CACNA1E: variants seen among roughly 807,000 people sequenced by gnomAD.
The protein encoded by CACNA1E is voltage-dependent R-type calcium channel subunit alpha-1E.
In CACNA1E, 40 loss-of-function variants were observed where a neutral mutation model predicts 259.2. The ratio of observed to expected loss-of-function variants is 0.15; its 90% CI spans 0.12 to 0.20. CACNA1E has a LOEUF of 0.20. Among genes scored for constraint, CACNA1E ranks in the 10% least tolerant of loss-of-function variants. CACNA1E has a pLI of 1.00. For synonymous variants in CACNA1E, 1,104 were observed against 1,138.5 expected, an observed-to-expected ratio of 0.97 and a Z score of 0.61; for missense variants, 1,874 against 3,040.1, an observed-to-expected ratio of 0.62 and a Z score of 9.02.
Position 181,798,974 on chromosome 1 carries a change from G to A in CACNA1E, c.*140G>A, listed in dbSNP as rs1043441982. The A allele has an allele frequency of 7.4e-5, 55 of 747,308 alleles. No individual in the cohort carries two copies. The Middle Eastern group carries it at 3.5e-3, about 47-fold the overall frequency. 46.3% of individuals were successfully genotyped at this position (747,308 alleles called of 1,614,324 possible). A position where few individuals can be genotyped will look rare whatever the true frequency, so the allele number is the denominator to read the frequency against. On this transcript the variant is annotated 3_prime_UTR_variant, in exon 48 of 48. Transcript: ENST00000367573. The surrounding 1 kb of genome is among the most constrained non-coding windows in gnomAD (Gnocchi z 4.2). Reference sequence around the variant, plus strand: ...ACCATGCATTATCAGAGAAGAGGAAGTAAAGGACAATCAGAACACCAGTCA... The same window carrying A: ...ACCATGCATTATCAGAGAAGAGGAAATAAAGGACAATCAGAACACCAGTCA...
rs567293169 is a variant in CACNA1E at position 181,603,606 on chromosome 1, C to T, written c.951+22830C>T. Among the ~76,000 whole-genome samples the T allele has an allele frequency of 2.1e-3, 326 of 151,660 alleles. 1 individual carries two copies. Among genetic ancestry groups the T allele is most frequent in the Non-Finnish European group, 3.0e-3 (204 of 67,882 alleles). On this transcript the variant is annotated intron_variant, in intron 6 of 47. Transcript: ENST00000367573. ...ACTGCACCTACCCGGAGACTTTGCT[C>T]GTGACACATTTTTTTTTCCCCATAG...
chr1:181,561,550 G>C (rs1382205210), intron 3 of CACNA1E, among the ~76,000 whole-genome samples: 2 of 152,138 alleles, frequency 1.3e-5, no homozygotes, highest in Non-Finnish European at 2.9e-5. Flanking sequence ...GGAGTCTACA[G>C]CCTTTTTGGC....
chr1:181,375,386 T>C (rs1009157155), intron 1 of CACNA1E, among the ~76,000 whole-genome samples: 1 of 152,210 alleles, frequency 6.6e-6, no homozygotes, highest in Non-Finnish European at 1.5e-5. Context: ...CAGATTCATA[T>C]GTTGAAATCT....
chr1:181,776,042 T>C lies in CACNA1E; in HGVS notation c.5140-59T>C. The C allele has an allele frequency of 6.5e-7, 1 of 1,537,248 alleles. No individual in the cohort carries two copies. Among genetic ancestry groups the C allele is most frequent in the Non-Finnish European group, 8.9e-7 (1 of 1,129,026 alleles). On this transcript the variant is annotated intron_variant, in intron 37 of 47. Coordinates refer to ENST00000367573, the MANE Select transcript of CACNA1E (RefSeq NM_001205293.3). The surrounding 1 kb of genome is among the most constrained non-coding windows in gnomAD (Gnocchi z 4.4). ...CTCCATGCCCTGAAGCCTGTTCTTC[T>C]GCTTCCTGAGCTCTGCTTTAGGTTT...
intron 34 of CACNA1E, among the ~76,000 whole-genome samples, chr1:181,763,955 A>C (rs867254898): frequency 2.0e-5 from 3 of 152,196 alleles, no homozygotes; most frequent in African/African-American, 7.2e-5. Context: ...AAAGTTTTTC[A>C]AAGGACTCAT....
intron 7 of CACNA1E, among the ~76,000 whole-genome samples, chr1:181,692,241 C>G (rs1452968738): frequency 6.6e-6 from 1 of 150,642 alleles, no homozygotes; most frequent in Non-Finnish European, 1.5e-5. Context: ...CCATACTGCC[C>G]AAAGCAACAC....
intron 47 of CACNA1E, among the ~76,000 whole-genome samples, chr1:181,797,430 T>C (rs183687511): frequency 1.4e-4 from 22 of 152,314 alleles, no homozygotes; most frequent in African/African-American, 4.6e-4. Flanking sequence ...TGACCCATAA[T>C]AGGAGACCCC....
chr1:181,566,451 A>G (rs1295826712), intron 3 of CACNA1E, among the ~76,000 whole-genome samples: 1 of 152,206 alleles, frequency 6.6e-6, no homozygotes, highest in Non-Finnish European at 1.5e-5. Flanking sequence ...CATTTCTCCT[A>G]GCTGTGTCTG....
In CACNA1E at chr1:181,806,901, G is replaced by A. The variant is rs1334247232; in HGVS notation, c.*8067G>A. 6.6e-6 allele frequency: 1 copy of A among 152,176 alleles called. No individual in the cohort carries two copies. Among genetic ancestry groups the A allele is most frequent in the African/African-American group, 2.4e-5 (1 of 41,456 alleles). 9.4% of individuals were successfully genotyped at this position (152,176 alleles called of 1,614,324 possible). A position where few individuals can be genotyped will look rare whatever the true frequency, so the allele number is the denominator to read the frequency against. On this transcript the variant is annotated 3_prime_UTR_variant, in exon 48 of 48. Transcript: ENST00000367573. The stretch of plus-strand genomic sequence containing the variant: ...TAAGCTGGCAGCAGGCTCTGCAGCT[G>A]CACTTAGTTGGGGTCTGCTCAGACC...
rs758378269 is a variant in CACNA1E at position 181,768,310 on chromosome 1, G to C, written c.4881+1699G>C. ...AAATGTATGCATAGAGAGAGAGTGA[G>C]GGGGGAGAAAGGGAGGGAGTGAAAG... On this transcript the variant is annotated intron_variant, in intron 35 of 47. Transcript: ENST00000367573. Among the ~76,000 whole-genome samples the C allele has an allele frequency of 3.4e-4, 52 of 152,106 alleles. 1 individual carries two copies. The highest frequency in any genetic ancestry group is 6.5e-4 in the Non-Finnish European group (44 of 68,010).
Position 181,733,718 on chromosome 1 carries a change from T to C in CACNA1E, c.3230T>C (p.Val1077Ala). 1 of 1,578,548 alleles carries C rather than the reference T, an allele frequency of 6.3e-7. No homozygotes were observed. Among genetic ancestry groups the C allele is most frequent in the South Asian group, 1.2e-5 (1 of 85,368 alleles). ...AGCGTCACCGTCGCCATCCCCGACG[T>C]GGACCCCTTGGTGGACTCAACCGTG... ...STSVTVAIPD[V>A]DPLVDSTVVH... Residue 1077 changes from valine (V) to alanine (A), a missense_variant, in exon 21 of 48, where the codon GTG becomes GCG. Val to Ala is a moderately conservative substitution (Grantham distance 64, BLOSUM62 0). Coordinates refer to ENST00000367573, the MANE Select transcript of CACNA1E (RefSeq NM_001205293.3).
chr1:181,770,896 G>A (rs569126473), intron 35 of CACNA1E, among the ~76,000 whole-genome samples: 1 of 152,298 alleles, frequency 6.6e-6, no homozygotes, highest in Non-Finnish European at 1.5e-5. Context: ...CCTGAGACAG[G>A]AAGAGAGGGG....
At chr1:181,409,259 G>GA (rs1490304020) in intron 1 of CACNA1E, among the ~76,000 whole-genome samples, 1 of 152,158 alleles carries the variant, frequency 6.6e-6, no homozygotes, top group African/African-American at 2.4e-5. Context: ...TGCAAAGCTT[G>GA]AAATATTTAT....
intron 7 of CACNA1E, among the ~76,000 whole-genome samples, chr1:181,702,644 T>C (rs910278112): frequency 1.3e-5 from 2 of 152,212 alleles, no homozygotes; most frequent in South Asian, 4.1e-4. Flanking sequence ...GGCTCTTTTC[T>C]GTTCTTCAAA....
Position 181,798,046 on chromosome 1 carries a change from G to A in CACNA1E, c.6400-246G>A, listed in dbSNP as rs962749234. Among the ~76,000 whole-genome samples, 3 of 152,182 alleles carry A rather than the reference G, an allele frequency of 2.0e-5. No individual in the cohort carries two copies. The highest frequency in any genetic ancestry group is 7.2e-5 in the African/African-American group (3 of 41,444). On this transcript the variant is annotated intron_variant, in intron 47 of 47. Coordinates refer to ENST00000367573, the MANE Select transcript of CACNA1E (RefSeq NM_001205293.3). This position sits in a 1 kb window ranked among gnomAD's most constrained non-coding sequence, Gnocchi z 4.2. ...TCCTTGCCCCAGATCTTCTGAGCCT[G>A]CATCTGCAGTTTAACCAGATCCCCA...
At chr1:181,637,785 G>C (rs1657375180) in intron 6 of CACNA1E, among the ~76,000 whole-genome samples, 1 of 152,150 alleles carries the variant, frequency 6.6e-6, no homozygotes, top group Admixed American at 6.5e-5. Flanking sequence ...GACTGACTCT[G>C]GGAAGGTTTT....
rs777265667 is a variant in CACNA1E, at chr1:181,715,352, G to A, written c.1186G>A (p.Ala396Thr). 1.1e-5 allele frequency: 17 copies of A among 1,596,736 alleles called. No individual in the cohort carries two copies. Among genetic ancestry groups the A allele is most frequent in the African/African-American group, 4.0e-5 (3 of 74,636 alleles). ...TTTCCATATAGAGGAAGTCATGCTC[G>A]CTGAAGAAAATAAAAATGCTGGAAC... ...WIDKAEEVML[A>T]EENKNAGTSA... Residue 396 changes from alanine (A) to threonine (T), a missense_variant, in exon 9 of 48, where the codon GCT becomes ACT. Transcript: ENST00000367573.
chr1:181,768,252 A>G (rs1659196023), intron 35 of CACNA1E, among the ~76,000 whole-genome samples: 1 of 152,160 alleles, frequency 6.6e-6, no homozygotes, highest in African/African-American at 2.4e-5. Context: ...GTTTATCATT[A>G]TTTAAATTCC....
intron 1 of CACNA1E, among the ~76,000 whole-genome samples, chr1:181,505,082 C>CCTT (rs1665591424): frequency 6.6e-6 from 1 of 152,060 alleles, no homozygotes; most frequent in Non-Finnish European, 1.5e-5. Flanking sequence ...TGGCCAGGTC[C>CCTT]CTTCATTCTC....
Sources: gnomAD v4.1 joint callset for allele counts (sites outside exome capture counted in the v4.1 genomes callset) on GRCh38, gnomAD v4.1.1 for gene constraint, Gnocchi (gnomAD v3.1) non-coding constraint, MANE v1.5 for transcripts, NCBI Gene and HGNC (gene_info 2026-07-23, HGNC 2026-07-21) for gene names.